The following BET1 variants were observed in gnomAD, a reference collection of about 807,000 sequenced individuals.
BET1 encodes the protein Bet1 golgi vesicular membrane trafficking protein, also known as BET1 homolog.
BET1 carries 9 observed loss-of-function variants against 13.9 expected under a neutral mutation model. That is an observed-to-expected ratio of 0.65 (90% CI 0.39 to 1.13). The LOEUF (loss-of-function observed/expected upper bound fraction) is 1.13. Among genes scored for constraint, BET1 ranks in the 50% most tolerant of loss-of-function variants. The probability of loss-of-function intolerance (pLI) is 0.01; values close to 1 mark genes in which losing one functional copy is unlikely to be tolerated. For synonymous variants in BET1, 39 were observed against 47.3 expected, an observed-to-expected ratio of 0.82 and a Z score of 0.72; for missense variants, 127 against 133.6, an observed-to-expected ratio of 0.95 and a Z score of 0.24.
At chr7:93,986,140 T>A (rs1795524846) in intron 4 of BET1, among the ~76,000 whole-genome samples, 1 of 152,170 alleles carries the variant, frequency 6.6e-6, no homozygotes, top group African/African-American at 2.4e-5. Context: ...CCTATGTGCA[T>A]CCTCTTGATT....
At chr7:93,971,017 A>G (rs1795251518) in intron 6 of BET1, among the ~76,000 whole-genome samples, 2 of 151,782 alleles carry the variant, frequency 1.3e-5, no homozygotes, top group Non-Finnish European at 3.0e-5. Context: ...ATTACTTATA[A>G]TAGCAAGTAC....
chr7:93,992,845 T>A, downstream of BET1: 1 of 960,172 alleles, frequency 1.0e-6, no homozygotes, highest in Non-Finnish European at 1.2e-6. Flanking sequence ...GGAATAGAGA[T>A]ATGAACCCAG....
rs967611331 is a variant in BET1 at position 93,964,001 on chromosome 7, G to A, written c.*1824C>T. On this transcript the variant is annotated 3_prime_UTR_variant and NMD_transcript_variant, in exon 7 of 7. Transcript: ENST00000357520. ...GAATCGCTTAAACTCAGGAGGTAGA[G>A]GTTGCAGTGAGCCAAGATTGCGCCA... The A allele has an allele frequency of 4.2e-4, 64 of 152,110 alleles. 1 individual carries two copies. The highest frequency in any genetic ancestry group is 1.5e-3 in the African/African-American group (64 of 41,508). 9.4% of individuals were successfully genotyped at this position (152,110 alleles called of 1,614,324 possible).
At chr7:93,977,821 C>A (rs1213695368) in intron 4 of BET1, among the ~76,000 whole-genome samples, 1 of 152,158 alleles carries the variant, frequency 6.6e-6, no homozygotes, top group South Asian at 2.1e-4. Flanking sequence ...ATATCTGACA[C>A]TTTCTTTAAT....
At position 93,999,304 on chromosome 7, in the gene BET1, TCA is replaced by T. The variant is rs1177786357; in HGVS notation, c.20-12_20-11del. ...GGAGGTACTCCTTCACCTGCAAGGATCAGAGTCACAAAGGTGGTTCTAGAGAA... is the reference window on the plus strand; with the variant it reads ...GGAGGTACTCCTTCACCTGCAAGGATGAGTCACAAAGGTGGTTCTAGAGAA... On this transcript the variant is annotated splice_polypyrimidine_tract_variant and intron_variant, in intron 1 of 3. Coordinates refer to ENST00000222547, the MANE Select transcript of BET1 (RefSeq NM_005868.6). The T allele has an allele frequency of 1.2e-6, 2 of 1,600,452 alleles. No individual in the cohort carries two copies. Among genetic ancestry groups the T allele is most frequent in the Non-Finnish European group, 1.7e-6 (2 of 1,174,630 alleles).
chr7:93,975,550 G>A (rs559808969), intron 5 of BET1, among the ~76,000 whole-genome samples: 12 of 152,080 alleles, frequency 7.9e-5, no homozygotes, highest in African/African-American at 2.9e-4. Flanking sequence ...TTAACAAATC[G>A]TGTTTTAATT....
downstream of BET1, chr7:93,992,735 A>C: frequency 1.1e-6 from 1 of 946,824 alleles, no homozygotes; most frequent in Non-Finnish European, 1.3e-6. Context: ...TGATTATCGC[A>C]TACCAGGCAC....
intron 5 of BET1, among the ~76,000 whole-genome samples, chr7:93,974,370 G>A (rs1286391687): frequency 1.3e-5 from 2 of 151,802 alleles, no homozygotes; most frequent in Non-Finnish European, 2.9e-5. Context: ...CTAATAAAAG[G>A]AACCAGAACT....
chr7:93,977,443 T>C (rs1028789011), intron 4 of BET1, among the ~76,000 whole-genome samples: 3 of 152,124 alleles, frequency 2.0e-5, no homozygotes, highest in African/African-American at 7.2e-5. Context: ...AGATTACGGG[T>C]AGTAGCTCTG....
intron 4 of BET1, among the ~76,000 whole-genome samples, chr7:93,980,649 A>G (rs1224238152): frequency 6.6e-6 from 1 of 152,198 alleles, no homozygotes; most frequent in Non-Finnish European, 1.5e-5. Flanking sequence ...GAAAGCCCAC[A>G]GCCAGCATTA....
chr7:93,992,984 G>T (rs1795668768), downstream of BET1: 1 of 984,954 alleles, frequency 1.0e-6, no homozygotes, highest in Non-Finnish European at 1.2e-6. Context: ...AATGAAGCCA[G>T]AAAAAATAGA....
chr7:93,982,726 G>A lies in BET1; in HGVS notation c.236-6626C>T, dbSNP rs139375141. Among the ~76,000 whole-genome samples, 1,059 of 152,002 alleles carry A rather than the reference G, an allele frequency of 7.0e-3. 12 individuals are homozygous for A. Among genetic ancestry groups the A allele is most frequent in the African/African-American group, 0.024 (1,009 of 41,444 alleles). On this transcript the variant is annotated intron_variant and NMD_transcript_variant, in intron 4 of 6. Transcript: ENST00000357520. ...TCCAAAGACACTATTTCCAAATAAG[G>A]TCACATTTTGAGGTTCTGGGTACAC...
intron 6 of BET1, among the ~76,000 whole-genome samples, chr7:93,970,972 G>A (rs1795250898): frequency 6.6e-6 from 1 of 151,730 alleles, no homozygotes; most frequent in Admixed American, 6.6e-5. Context: ...TGAATAGGGG[G>A]ACATGCTATT....
chr7:93,963,929 G>T (rs1449419363), exon 7 of BET1: 3 of 152,168 alleles, frequency 2.0e-5, no homozygotes, highest in African/African-American at 7.2e-5. Flanking sequence ...AGCTAGGCAT[G>T]ATGCTGTGTG....
chr7:93,992,754 A>G, downstream of BET1: 1 of 926,418 alleles, frequency 1.1e-6, no homozygotes, highest in Non-Finnish European at 1.3e-6. Context: ...ACTTTACAAC[A>G]TATTATCTAC....
chr7:93,973,089 T>G (rs1242658897), intron 5 of BET1, among the ~76,000 whole-genome samples: 1 of 151,880 alleles, frequency 6.6e-6, no homozygotes, highest in East Asian at 1.9e-4. Flanking sequence ...CTTTTTTCAT[T>G]TAAGATCAAT....
Position 93,993,651 on chromosome 7 carries a change from A to C in BET1, c.*579T>G, listed in dbSNP as rs563231481. On this transcript the variant is annotated 3_prime_UTR_variant, in exon 4 of 4. Transcript: ENST00000222547. ...ATGCCAAAATAACAAGTTTTATTTA[A>C]AGAATGAGGTCTTTGGGCAGAAAGA... 118 of 1,295,760 alleles carry C rather than the reference A, an allele frequency of 9.1e-5. No individual in the cohort carries two copies. In the African/African-American group the frequency reaches 1.7e-3, roughly 19 times the overall value. 80.3% of individuals were successfully genotyped at this position (1,295,760 alleles called of 1,614,324 possible).
chr7:93,967,537 C>T (rs139116670), intron 6 of BET1, among the ~76,000 whole-genome samples: 1 of 151,802 alleles, frequency 6.6e-6, no homozygotes, highest in East Asian at 1.9e-4. Flanking sequence ...ATGTAAATGA[C>T]AGGTTTTTTG....
rs534750128 is a variant in BET1 at position 93,965,866 on chromosome 7, T to C, written c.*138-179A>G. ...TTAAAATATTTCTGGTGGATAGTGATAAGAAAACAAGATAGACCTTTACTT... is the reference window on the plus strand; with the variant it reads ...TTAAAATATTTCTGGTGGATAGTGACAAGAAAACAAGATAGACCTTTACTT... On this transcript the variant is annotated intron_variant and NMD_transcript_variant, in intron 6 of 6. Transcript: ENST00000357520. Among the ~76,000 whole-genome samples, 4 of 152,192 alleles carry C rather than the reference T, an allele frequency of 2.6e-5. No homozygotes were observed. The South Asian group carries it at 8.3e-4, about 32-fold the overall frequency.
Sources: gnomAD v4.1 joint callset for allele counts (sites outside exome capture counted in the v4.1 genomes callset) on GRCh38, gnomAD v4.1.1 for gene constraint, MANE v1.5 for transcripts, NCBI Gene and HGNC (gene_info 2026-07-23, HGNC 2026-07-21) for gene names.